ANO3: variants seen among roughly 807,000 people sequenced by gnomAD.
ANO3 encodes the protein anoctamin-3.
Under a neutral mutation model 144.8 loss-of-function variants are expected in ANO3, and 99 were observed. The ratio of observed to expected loss-of-function variants is 0.68; its 90% CI spans 0.58 to 0.81. The LOEUF is 0.81. Ranked by LOEUF, ANO3 falls within the 30% of genes least tolerant of loss-of-function variation. The pLI is 0.00. For synonymous variants in ANO3, 414 were observed against 392.6 expected (o/e 1.05, Z -0.64); for missense variants, 905 against 1,202.2 (o/e 0.75, Z 3.66).
chr11:26,590,494 G>A (rs75497098), intron 14 of ANO3, among the ~76,000 whole-genome samples: 23,623 of 152,130 alleles, frequency 0.16, 2,109 homozygotes, highest in East Asian at 0.33. Flanking sequence ...CCAAGATGGG[G>A]TGGGCTGCTC....
rs558647840 is a variant in ANO3 at position 26,526,959 on chromosome 11, C to G, written c.737+1280C>G. On this transcript the variant is annotated intron_variant, in intron 7 of 26. Transcript: ENST00000256737. Reference sequence around the variant, plus strand: ...ACTGCAGGTTTTTCTTGTCTTTGCTCTGCATATGCCTGCTTATTGTTGGAT... The same window carrying G: ...ACTGCAGGTTTTTCTTGTCTTTGCTGTGCATATGCCTGCTTATTGTTGGAT... Among the ~76,000 whole-genome samples, 6 of 152,212 alleles carry G rather than the reference C, an allele frequency of 3.9e-5. No homozygotes were observed. In the East Asian group the frequency reaches 5.8e-4, roughly 15 times the overall value.
chr11:26,537,543 G>A, intron 10 of ANO3, 82 bp downstream of exon 10: 1 of 1,158,046 alleles, frequency 8.6e-7, no homozygotes, highest in South Asian at 1.2e-5. Context: ...TTTGAATCTA[G>A]CTGTCCACTC....
At chr11:26,360,655 C>T (rs1037876120) in intron 1 of ANO3, among the ~76,000 whole-genome samples, 2 of 152,174 alleles carry the variant, frequency 1.3e-5, no homozygotes, top group African/African-American at 4.8e-5. Context: ...ATTATATCAT[C>T]TGTATGCTGA....
chr11:26,452,127 T>TG (rs1858967387), intron 3 of ANO3, among the ~76,000 whole-genome samples: 2 of 151,750 alleles, frequency 1.3e-5, no homozygotes, highest in African/African-American at 4.8e-5. Context: ...ACCACAAAGA[T>TG]GGGGAAAAAA....
chr11:26,501,104 A>G (rs1277594254), intron 4 of ANO3, among the ~76,000 whole-genome samples: 1 of 152,226 alleles, frequency 6.6e-6, no homozygotes, highest in Non-Finnish European at 1.5e-5. Flanking sequence ...ATTCAGTAGG[A>G]TAGGATTAAG....
intron 20 of ANO3, among the ~76,000 whole-genome samples, chr11:26,635,712 G>A (rs966109382): frequency 3.3e-5 from 5 of 152,034 alleles, no homozygotes; most frequent in Non-Finnish European, 5.9e-5. Flanking sequence ...TGAATGAGAT[G>A]GATAATATTT....
intron 26 of ANO3, 101 bp downstream of exon 26, chr11:26,656,582 CACTT>C: frequency 3.9e-6 from 3 of 768,036 alleles, no homozygotes; most frequent in Non-Finnish European, 6.7e-6. Flanking sequence ...TCCATAAAAA[CACTT>C]AAGTAGGTCC....
chr11:26,200,735 A>G (rs963247884), intron 1 of ANO3, among the ~76,000 whole-genome samples: 2 of 152,190 alleles, frequency 1.3e-5, no homozygotes, highest in African/African-American at 4.8e-5. Flanking sequence ...GTTGCATAAT[A>G]CTAAATGTGA....
intron 6 of ANO3, among the ~76,000 whole-genome samples, chr11:26,522,081 G>A (rs1258399798): frequency 6.6e-6 from 1 of 152,024 alleles, no homozygotes; most frequent in African/African-American, 2.4e-5. Context: ...CTACTCGGGA[G>A]GCTGAGGCAA....
At chr11:26,516,033 A>G (rs1389350758) in intron 5 of ANO3, among the ~76,000 whole-genome samples, 1 of 151,912 alleles carries the variant, frequency 6.6e-6, no homozygotes, top group Non-Finnish European at 1.5e-5. Flanking sequence ...CTTATTTTAG[A>G]CTACTGAACA....
chr11:26,306,177 T>C (rs1854378611), upstream of ANO3, among the ~76,000 whole-genome samples: 1 of 149,650 alleles, frequency 6.7e-6, no homozygotes, highest in Non-Finnish European at 1.5e-5. Flanking sequence ...GGTTTCACCG[T>C]GTTAGCCAGG....
chr11:26,460,053 A>G, intron 3 of ANO3: 1 of 449,752 alleles, frequency 2.2e-6, no homozygotes, highest in Non-Finnish European at 4.5e-6. Flanking sequence ...CATTTTCAAC[A>G]TTAGAGATCA....
At chr11:26,505,160 C>T (rs188313610) in intron 4 of ANO3, among the ~76,000 whole-genome samples, 11 of 150,906 alleles carry the variant, frequency 7.3e-5, no homozygotes, top group African/African-American at 2.2e-4. Flanking sequence ...AGAAAGTGGT[C>T]AGATTTTAAA....
At position 26,660,595 on chromosome 11, in the gene ANO3, T is replaced by C. The variant is rs1259580498; in HGVS notation, c.*151T>C. On this transcript the variant is annotated 3_prime_UTR_variant, in exon 27 of 27. Transcript: ENST00000256737. Reference sequence around the variant, plus strand: ...AATGTATCACAGCCATCTCTGGGATTTGAAATATCCAGACTTGTAGGGAAG... The same window carrying C: ...AATGTATCACAGCCATCTCTGGGATCTGAAATATCCAGACTTGTAGGGAAG... 1 of 673,508 alleles carries C rather than the reference T, an allele frequency of 1.5e-6. No individual in the cohort carries two copies. The highest frequency in any genetic ancestry group is 1.8e-5 in the African/African-American group (1 of 54,294). 41.7% of individuals were successfully genotyped at this position (673,508 alleles called of 1,614,324 possible). A position where few individuals can be genotyped will look rare whatever the true frequency, so the allele number is the denominator to read the frequency against.
At chr11:26,478,219 C>A (rs190680720) in intron 4 of ANO3, among the ~76,000 whole-genome samples, 37 of 152,236 alleles carry the variant, frequency 2.4e-4, no homozygotes, top group Non-Finnish European at 4.7e-4. Flanking sequence ...GACCACCAAG[C>A]CTCAGGATCT....
chr11:26,648,284 C>G (rs1853414161), intron 24 of ANO3, among the ~76,000 whole-genome samples: 1 of 152,074 alleles, frequency 6.6e-6, no homozygotes, highest in Admixed American at 6.5e-5. Flanking sequence ...AAGGAACTGT[C>G]AGCTCTGTGA....
chr11:26,469,401 A>G (rs1005802950), intron 4 of ANO3, among the ~76,000 whole-genome samples: 7 of 151,988 alleles, frequency 4.6e-5, no homozygotes, highest in Non-Finnish European at 8.8e-5. Context: ...GGAAATAAAT[A>G]TTAATCATTT....
At chr11:26,302,829 T>C (rs1055438210) in intron 1 of ANO3, among the ~76,000 whole-genome samples, 1 of 152,148 alleles carries the variant, frequency 6.6e-6, no homozygotes, top group African/African-American at 2.4e-5. Flanking sequence ...CAGTAATATA[T>C]AAAATTTCCT....
chr11:26,386,864 T>C (rs1856748254), intron 1 of ANO3, among the ~76,000 whole-genome samples: 3 of 152,168 alleles, frequency 2.0e-5, no homozygotes, highest in South Asian at 4.1e-4. Flanking sequence ...TTAAATCATG[T>C]ATGTAAATTG....
Sources: allele counts gnomAD v4.1 joint callset (sites outside exome capture counted in the v4.1 genomes callset), GRCh38; gene constraint gnomAD v4.1.1; transcripts MANE v1.5; gene names NCBI Gene and HGNC (gene_info 2026-07-23, HGNC 2026-07-21).